FOXP2: variants seen among roughly 807,000 people sequenced by gnomAD.
FOXP2 encodes the protein forkhead box protein P2.
A neutral mutation model predicts 115.8 loss-of-function variants in FOXP2; 12 were observed. The ratio of observed to expected loss-of-function variants is 0.10; its 90% CI spans 0.07 to 0.17. The LOEUF (loss-of-function observed/expected upper bound fraction) is 0.17, where lower values mean the gene tolerates loss of function less well. Among genes scored for constraint, FOXP2 ranks in the 10% least tolerant of loss-of-function variants. The pLI is 1.00. For missense variants in FOXP2, 629 were observed against 843.5 expected (o/e 0.75, Z 3.15); for synonymous variants, 328 against 297.7 (o/e 1.10, Z -1.05).
chr7:114,652,263 G>T lies in FOXP2; in HGVS notation c.1155G>T (p.Met385Ile). ...GCACTGCTCAGTGTCGAGTGCAAATGCAGGTGGTGCAACAGTTAGAAATAC... is the reference window on the plus strand; with the variant it reads ...GCACTGCTCAGTGTCGAGTGCAAATTCAGGTGGTGCAACAGTTAGAAATAC... ...DRSTAQCRVQ[M>I]QVVQQLEIQL... The change falls in exon 9 of 17, where the codon ATG (methionine) becomes ATT (isoleucine). Residue 385 changes from methionine to isoleucine, a missense_variant. Met to Ile is a conservative substitution (Grantham distance 10). Around this residue, in one of 9 missense-constraint regions of FOXP2, gnomAD observed 24 missense variants for 76.3 expected, o/e 0.31. Coordinates refer to ENST00000350908, the MANE Select transcript of FOXP2 (RefSeq NM_014491.4). The T allele has an allele frequency of 1.2e-6, 2 of 1,612,900 alleles. No homozygotes were observed. Among genetic ancestry groups the T allele is most frequent in the Non-Finnish European group, 1.7e-6 (2 of 1,179,274 alleles).
upstream of FOXP2, among the ~76,000 whole-genome samples, chr7:114,159,012 G>T (rs1479976363): frequency 6.6e-6 from 1 of 152,114 alleles, no homozygotes; most frequent in Non-Finnish European, 1.5e-5. Flanking sequence ...CTTTGAATGT[G>T]AAGGTTAGGG....
intron 2 of FOXP2, among the ~76,000 whole-genome samples, chr7:114,381,932 CCTT>C (rs1792313675): frequency 6.6e-6 from 1 of 152,096 alleles, no homozygotes; most frequent in African/African-American, 2.4e-5. Flanking sequence ...TCCATATTGT[CCTT>C]CTGTTGCCCA....
chr7:114,176,963 T>C lies in FOXP2; in HGVS notation c.-102+13875T>C, dbSNP rs1284299225. Among the ~76,000 whole-genome samples, 28 of 152,180 alleles carry C rather than the reference T, an allele frequency of 1.8e-4. 1 individual carries two copies. The highest frequency in any genetic ancestry group is 1.8e-3 in the Admixed American group (28 of 15,288). On this transcript the variant is annotated intron_variant, in intron 1 of 17. Transcript: ENST00000634411. The stretch of plus-strand genomic sequence containing the variant: ...AATGGTATCATTTGGTATAGTCTTC[T>C]GTGTCTGGGCTTTTTTTCTCAATAT...
chr7:114,690,850 A>G lies in FOXP2; in HGVS notation c.*924A>G, dbSNP rs1157380295. The G allele has an allele frequency of 6.6e-6, 3 of 454,426 alleles. No homozygotes were observed. The highest frequency in any genetic ancestry group is 2.4e-5 in the Admixed American group (1 of 42,546). 28.1% of individuals were successfully genotyped at this position (454,426 alleles called of 1,614,324 possible). A position where few individuals can be genotyped will look rare whatever the true frequency, so the allele number is the denominator to read the frequency against. On this transcript the variant is annotated 3_prime_UTR_variant, in exon 17 of 17. Coordinates refer to ENST00000350908, the MANE Select transcript of FOXP2 (RefSeq NM_014491.4). ...CAATTAGTACAAAGGAACCTTTTCC[A>G]TGAACTACCTGCTGTTTTCTGATGA... is the stretch of plus-strand genomic sequence containing the variant.
At chr7:114,101,515 G>A (rs1300480502) in intron 1 of FOXP2, among the ~76,000 whole-genome samples, 2 of 152,026 alleles carry the variant, frequency 1.3e-5, no homozygotes. Flanking sequence ...AGGAAACAAG[G>A]TTTGGCATGG....
At chr7:114,198,836 C>A (rs565682780) in intron 1 of FOXP2, among the ~76,000 whole-genome samples, 5 of 152,246 alleles carry the variant, frequency 3.3e-5, no homozygotes, top group East Asian at 1.9e-4. Context: ...AAATTGGGAT[C>A]TGGCAAATTT....
intron 2 of FOXP2, among the ~76,000 whole-genome samples, chr7:114,320,776 G>A (rs1373131583): frequency 6.6e-6 from 1 of 152,084 alleles, no homozygotes; most frequent in African/African-American, 2.4e-5. Flanking sequence ...TCCCTGCAGA[G>A]GGACAACCTT....
At position 114,260,132 on chromosome 7, in the gene FOXP2, C is replaced by A. The variant is rs374350081; in HGVS notation, c.-101-27887C>A. On this transcript the variant is annotated intron_variant, in intron 1 of 17. Transcript: ENST00000634411. The stretch of plus-strand genomic sequence containing the variant: ...GTTCAAACTTCTGACCTCAGGTGAT[C>A]CACCTGTGTCGGCCTCCCAAAGTGC... 5.3e-5 allele frequency among the ~76,000 whole-genome samples: 8 copies of A among 151,914 alleles called. No individual in the cohort carries two copies. In the East Asian group the frequency reaches 9.7e-4, roughly 18 times the overall value.
chr7:114,573,941 T>C (rs1401973735), intron 3 of FOXP2, among the ~76,000 whole-genome samples: 3 of 151,764 alleles, frequency 2.0e-5, no homozygotes, highest in Middle Eastern at 3.2e-3. Context: ...TTGTATCAAT[T>C]TACTAGCAAA....
chr7:114,182,074 A>T (rs1478948268), intron 1 of FOXP2, among the ~76,000 whole-genome samples: 2 of 152,032 alleles, frequency 1.3e-5, no homozygotes, highest in Non-Finnish European at 2.9e-5. Flanking sequence ...CCTCAACCTG[A>T]TTGTTAACTT....
At chr7:114,467,714 T>C (rs892173363) in intron 2 of FOXP2, among the ~76,000 whole-genome samples, 6 of 152,112 alleles carry the variant, frequency 3.9e-5, no homozygotes, top group African/African-American at 1.4e-4. Context: ...AACAAAGAAA[T>C]AGAAAATTAG....
At chr7:114,098,188 C>T (rs1403601298) in intron 1 of FOXP2, among the ~76,000 whole-genome samples, 1 of 152,006 alleles carries the variant, frequency 6.6e-6, no homozygotes, top group Non-Finnish European at 1.5e-5. Flanking sequence ...AGAAATTGGC[C>T]AGGGGTTTGT....
chr7:114,476,913 A>C (rs1223643471), intron 2 of FOXP2, among the ~76,000 whole-genome samples: 1 of 151,994 alleles, frequency 6.6e-6, no homozygotes, highest in East Asian at 1.9e-4. Flanking sequence ...GCTCAGCATC[A>C]CTAATCATCA....
At chr7:114,651,500 G>A (rs186084609) in intron 8 of FOXP2, among the ~76,000 whole-genome samples, 189 of 152,076 alleles carry the variant, frequency 1.2e-3, no homozygotes, top group African/African-American at 4.1e-3. Context: ...TTTAAACATC[G>A]TATAGAAATA....
chr7:114,198,466 T>C (rs1485227257), intron 1 of FOXP2, among the ~76,000 whole-genome samples: 2 of 152,162 alleles, frequency 1.3e-5, no homozygotes, highest in African/African-American at 4.8e-5. Context: ...TGATGAAACT[T>C]GGTTCCATCT....
At chr7:114,649,317 G>A (rs1266544900) in intron 8 of FOXP2, among the ~76,000 whole-genome samples, 1 of 152,028 alleles carries the variant, frequency 6.6e-6, no homozygotes, top group Admixed American at 6.6e-5. Flanking sequence ...TAGTATTATG[G>A]AGCATTCATA....
At chr7:114,431,619 G>T (rs530153714) in intron 2 of FOXP2, among the ~76,000 whole-genome samples, 93 of 151,984 alleles carry the variant, frequency 6.1e-4, no homozygotes, top group Middle Eastern at 3.4e-3. Flanking sequence ...CTTTGTGACT[G>T]TGCATGATCT....
At chr7:114,424,255 T>C (rs1050398400) in intron 1 of FOXP2, among the ~76,000 whole-genome samples, 2 of 151,382 alleles carry the variant, frequency 1.3e-5, no homozygotes, top group African/African-American at 2.4e-5. Context: ...ATCCAATTGG[T>C]CCTGAGATTT....
chr7:114,408,453 G>A (rs1022415816), intron 2 of FOXP2, among the ~76,000 whole-genome samples: 16 of 152,094 alleles, frequency 1.1e-4, no homozygotes, highest in South Asian at 2.1e-4. Flanking sequence ...TGGGCCAGGC[G>A]CAGTGGCTCA....
Sources: gnomAD v4.1 joint callset for allele counts (sites outside exome capture counted in the v4.1 genomes callset) on GRCh38, gnomAD v4.1.1 for gene constraint, gnomAD v4.1.1 regional missense constraint, MANE v1.5 for transcripts, NCBI Gene and HGNC (gene_info 2026-07-23, HGNC 2026-07-21) for gene names.